The following RNF144B variants were observed in gnomAD, a reference collection of about 807,000 sequenced individuals.
RNF144B encodes ring finger protein 144B.
RNF144B carries 25 observed loss-of-function variants against 40.2 expected under a neutral mutation model. The observed-to-expected ratio is 0.62, with a 90% CI of 0.45 to 0.87. The LOEUF (loss-of-function observed/expected upper bound fraction) is 0.87. Ranked by LOEUF, RNF144B falls within the 40% of genes least tolerant of loss-of-function variation. The pLI is 0.00. For synonymous variants in RNF144B, 145 were observed against 136.3 expected, an observed-to-expected ratio of 1.06 and a Z score of -0.44; for missense variants, 365 against 373.7, an observed-to-expected ratio of 0.98 and a Z score of 0.19.
chr6:18,448,301 G>A lies in RNF144B; in HGVS notation c.331+8557G>A, dbSNP rs1476085211. Among the ~76,000 whole-genome samples, 1 of 152,002 alleles carries A rather than the reference G, an allele frequency of 6.6e-6. No homozygotes were observed. Among genetic ancestry groups the A allele is most frequent in the Non-Finnish European group, 1.5e-5 (1 of 68,004 alleles). On this transcript the variant is annotated intron_variant, in intron 4 of 7. Transcript: ENST00000259939. The surrounding 1 kb of genome is among the most constrained non-coding windows in gnomAD (Gnocchi z 4.0). ...CCAGATGGAGGGATTGGATTTACTT[G>A]GGGGTAGGTTTAGGTCATCTCTATC... is the stretch of plus-strand genomic sequence containing the variant.
chr6:18,392,103 G>A (rs1794593542), intron 1 of RNF144B, among the ~76,000 whole-genome samples: 1 of 151,174 alleles, frequency 6.6e-6, no homozygotes, highest in African/African-American at 2.4e-5. Flanking sequence ...AGCTACTTGG[G>A]AGGCTGAGGC....
rs1248624715 is a variant in RNF144B at position 18,434,409 on chromosome 6, A to G, written c.271-5275A>G. ...TTAGTGTAGATGGTGATGCTTGTTT[A>G]AATATTATGATCGTGGTTAATACTG... On this transcript the variant is annotated intron_variant, in intron 3 of 7. Coordinates refer to ENST00000259939, the MANE Select transcript of RNF144B (RefSeq NM_182757.4). The surrounding 1 kb of genome is among the most constrained non-coding windows in gnomAD (Gnocchi z 4.1). Among the ~76,000 whole-genome samples the G allele has an allele frequency of 1.3e-5, 2 of 151,648 alleles. No homozygotes were observed. Among genetic ancestry groups the G allele is most frequent in the South Asian group, 4.2e-4 (2 of 4,792 alleles).
chr6:18,460,887 A>G lies in RNF144B; in HGVS notation c.681+1136A>G, dbSNP rs1231133614. On this transcript the variant is annotated intron_variant, in intron 6 of 7. Transcript: ENST00000259939. This position sits in a 1 kb window ranked among gnomAD's most constrained non-coding sequence, Gnocchi z 4.4. ...GGGGTAACATAAGTTGTTTATAGAT[A>G]ACACTCTGTTTTGGCAATTTGGACC... Among the ~76,000 whole-genome samples the G allele has an allele frequency of 1.3e-5, 2 of 152,242 alleles. No individual in the cohort carries two copies. The highest frequency in any genetic ancestry group is 4.8e-5 in the African/African-American group (2 of 41,466).
At chr6:18,462,879 C>T (rs189252557) in intron 6 of RNF144B, among the ~76,000 whole-genome samples, 10 of 152,214 alleles carry the variant, frequency 6.6e-5, no homozygotes, top group Admixed American at 5.9e-4. Flanking sequence ...TCTCCAGTTA[C>T]TTTCTTAATA....
In RNF144B at chr6:18,395,408, G is replaced by A. The variant is rs952333801; in HGVS notation, c.-36-4091G>A. Reference sequence around the variant, plus strand: ...TTGGGGGTTTCATGCTGTGAAGACCGGTGAATAGTAATATGACACAAAGGA... The same window carrying A: ...TTGGGGGTTTCATGCTGTGAAGACCAGTGAATAGTAATATGACACAAAGGA... On this transcript the variant is annotated intron_variant, in intron 1 of 7. Transcript: ENST00000259939. This position sits in a 1 kb window ranked among gnomAD's most constrained non-coding sequence, Gnocchi z 4.5. Among the ~76,000 whole-genome samples, 2 of 152,040 alleles carry A rather than the reference G, an allele frequency of 1.3e-5. No homozygotes were observed. The highest frequency in any genetic ancestry group is 2.9e-5 in the Non-Finnish European group (2 of 68,012).
intron 3 of RNF144B, among the ~76,000 whole-genome samples, chr6:18,430,365 T>C (rs1178136170): frequency 6.6e-6 from 1 of 152,226 alleles, no homozygotes; most frequent in Non-Finnish European, 1.5e-5. Flanking sequence ...TTTGAGTATC[T>C]AATGTAAGGG....
chr6:18,431,235 T>A (rs1254028323), intron 3 of RNF144B, among the ~76,000 whole-genome samples: 2 of 144,546 alleles, frequency 1.4e-5, no homozygotes, highest in Admixed American at 7.1e-5. Flanking sequence ...CAAAAAAAAA[T>A]AAAAAATAAA....
At chr6:18,429,960 G>A (rs1000021114) in intron 3 of RNF144B, among the ~76,000 whole-genome samples, 20 of 152,162 alleles carry the variant, frequency 1.3e-4, no homozygotes, top group African/African-American at 4.8e-4. Context: ...AATTATAAAA[G>A]TGAAATGCAA....
chr6:18,451,454 GAAGT>G (rs1025274235), intron 4 of RNF144B, among the ~76,000 whole-genome samples: 1 of 152,142 alleles, frequency 6.6e-6, no homozygotes, highest in Non-Finnish European at 1.5e-5. Flanking sequence ...AAGAAACCTA[GAAGT>G]AAGACCTGGA....
At chr6:18,438,102 C>T (rs146637947) in intron 3 of RNF144B, among the ~76,000 whole-genome samples, 12 of 152,270 alleles carry the variant, frequency 7.9e-5, no homozygotes, top group Admixed American at 1.3e-4. Flanking sequence ...CAGAAGCTGA[C>T]GTAGCATTTG....
chr6:18,399,435 C>T (rs766935408), intron 1 of RNF144B, 64 bp from the exon 2 acceptor site: 21 of 1,159,678 alleles, frequency 1.8e-5, no homozygotes, highest in East Asian at 5.1e-5. Flanking sequence ...GGCCTCCAGA[C>T]GTGTTGGCTA....
chr6:18,404,258 C>T (rs1215375327), intron 2 of RNF144B, among the ~76,000 whole-genome samples: 1 of 152,184 alleles, frequency 6.6e-6, no homozygotes, highest in Non-Finnish European at 1.5e-5. Context: ...CCTATTTCTA[C>T]CTCTGTTTCT....
rs1184139141 is a variant in RNF144B at position 18,441,970 on chromosome 6, C to T, written c.331+2226C>T. Among the ~76,000 whole-genome samples, 1 of 152,078 alleles carries T rather than the reference C, an allele frequency of 6.6e-6. No individual in the cohort carries two copies. The highest frequency in any genetic ancestry group is 6.6e-5 in the Admixed American group (1 of 15,264). ...ATGTTCTTCTCCTGTACACTTTTTTCCCAAAGAGGTAATCATACCGTTCTT... is the reference window on the plus strand; with the variant it reads ...ATGTTCTTCTCCTGTACACTTTTTTTCCAAAGAGGTAATCATACCGTTCTT... On this transcript the variant is annotated intron_variant, in intron 4 of 7. Coordinates refer to ENST00000259939, the MANE Select transcript of RNF144B (RefSeq NM_182757.4). The surrounding 1 kb of genome is among the most constrained non-coding windows in gnomAD (Gnocchi z 4.9).
intron 3 of RNF144B, among the ~76,000 whole-genome samples, chr6:18,438,896 C>A (rs907736448): frequency 9.9e-5 from 15 of 151,918 alleles, no homozygotes; most frequent in African/African-American, 3.6e-4. Context: ...ATATATAAAT[C>A]TTTAAGTTAT....
In RNF144B at chr6:18,460,243, T is replaced by C. The variant is rs1175494839; in HGVS notation, c.681+492T>C. Among the ~76,000 whole-genome samples, 2 of 152,206 alleles carry C rather than the reference T, an allele frequency of 1.3e-5. No homozygotes were observed. The highest frequency in any genetic ancestry group is 2.9e-5 in the Non-Finnish European group (2 of 68,040). On this transcript the variant is annotated intron_variant, in intron 6 of 7. Transcript: ENST00000259939. The surrounding 1 kb of genome is among the most constrained non-coding windows in gnomAD (Gnocchi z 4.4). ...GAGGCTGTCCGCTTTCCTTGGCTTG[T>C]GGCCTCTTCCTCCATCTTCAAAGCC...
chr6:18,451,080 G>T (rs1047083885), intron 4 of RNF144B, among the ~76,000 whole-genome samples: 2 of 152,154 alleles, frequency 1.3e-5, no homozygotes, highest in Admixed American at 1.3e-4. Context: ...TACCCCAAGA[G>T]ATCCTCATCA....
Position 18,419,099 on chromosome 6 carries a change from A to G in RNF144B, c.166-8482A>G, listed in dbSNP as rs1200807449. Among the ~76,000 whole-genome samples, 1 of 152,186 alleles carries G rather than the reference A, an allele frequency of 6.6e-6. No individual in the cohort carries two copies. The highest frequency in any genetic ancestry group is 2.4e-5 in the African/African-American group (1 of 41,446). On this transcript the variant is annotated intron_variant, in intron 2 of 7. Coordinates refer to ENST00000259939, the MANE Select transcript of RNF144B (RefSeq NM_182757.4). This position sits in a 1 kb window ranked among gnomAD's most constrained non-coding sequence, Gnocchi z 4.6. The stretch of plus-strand genomic sequence containing the variant: ...ATCTGCATTTTTGATGGGATCCTCA[A>G]ATAACTTGGATGGACATTCAAGTTT...
In RNF144B at chr6:18,450,287, A is replaced by T. The variant is rs1238198783; in HGVS notation, c.332-6868A>T. Among the ~76,000 whole-genome samples, 1 of 149,628 alleles carries T rather than the reference A, an allele frequency of 6.7e-6. No individual in the cohort carries two copies. The highest frequency in any genetic ancestry group is 1.5e-5 in the Non-Finnish European group (1 of 67,572). On this transcript the variant is annotated intron_variant, in intron 4 of 7. Coordinates refer to ENST00000259939, the MANE Select transcript of RNF144B (RefSeq NM_182757.4). The surrounding 1 kb of genome is among the most constrained non-coding windows in gnomAD (Gnocchi z 4.7). ...TGGCGGGATGAGGGGAACAACTCTG[A>T]TTTGTAGTGCTTGCCAGTTTTTTTT...
intron 4 of RNF144B, among the ~76,000 whole-genome samples, chr6:18,453,646 A>G (rs1410588170): frequency 7.2e-5 from 11 of 152,212 alleles, no homozygotes; most frequent in African/African-American, 2.4e-4. Context: ...ATTGTACACA[A>G]TGTTTTCTAC....
Sources: allele counts gnomAD v4.1 joint callset (sites outside exome capture counted in the v4.1 genomes callset), GRCh38; gene constraint gnomAD v4.1.1; non-coding constraint Gnocchi (gnomAD v3.1); transcripts MANE v1.5; gene names NCBI Gene and HGNC (gene_info 2026-07-23, HGNC 2026-07-21).